Variants in B3GALT1 observed in about 807,000 individuals in gnomAD.
The protein encoded by B3GALT1 is beta-1,3-galactosyltransferase 1, also known as UDP-Gal:betaGlcNAc beta 1,3-galactosyltransferase, polypeptide 1.
In B3GALT1, 10 loss-of-function variants were observed where a neutral mutation model predicts 23.2. That is an observed-to-expected ratio of 0.43 (90% CI 0.27 to 0.73). B3GALT1 has a LOEUF of 0.73. Among genes scored for constraint, B3GALT1 ranks in the 30% least tolerant of loss-of-function variants. The pLI is 0.21. For missense variants in B3GALT1, 299 were observed against 405.4 expected, an observed-to-expected ratio of 0.74 and a Z score of 2.25; for synonymous variants, 156 against 141.5, an observed-to-expected ratio of 1.10 and a Z score of -0.73.
At chr2:167,554,462 A>ACC (rs1683808110) in intron 2 of B3GALT1, among the ~76,000 whole-genome samples, 1 of 152,202 alleles carries the variant, frequency 6.6e-6, no homozygotes, top group Non-Finnish European at 1.5e-5. Flanking sequence ...AGGTAACACT[A>ACC]AGAATTGTTT....
chr2:167,776,746 C>A (rs2105315226), intron 3 of B3GALT1, among the ~76,000 whole-genome samples: 1 of 152,286 alleles, frequency 6.6e-6, no homozygotes, highest in South Asian at 2.1e-4. Flanking sequence ...GTTTTTTAAA[C>A]ATCTGAGGAA....
chr2:167,456,305 A>T (rs1354041833), intron 1 of B3GALT1, among the ~76,000 whole-genome samples: 2 of 152,174 alleles, frequency 1.3e-5, no homozygotes, highest in Non-Finnish European at 2.9e-5. Flanking sequence ...GAACTCACTT[A>T]TCACTAAGGT....
At chr2:167,557,084 T>C (rs997738352) in intron 2 of B3GALT1, among the ~76,000 whole-genome samples, 1 of 152,192 alleles carries the variant, frequency 6.6e-6, no homozygotes, top group African/African-American at 2.4e-5. Context: ...AAAAATAATA[T>C]ACTGCCTTTT....
At chr2:167,826,097 G>C (rs1165636067) in intron 4 of B3GALT1, among the ~76,000 whole-genome samples, 1 of 152,128 alleles carries the variant, frequency 6.6e-6, no homozygotes, top group Non-Finnish European at 1.5e-5. Context: ...CAGCTGAGAA[G>C]AGTAGCAGAC....
At chr2:167,492,320 C>A (rs1699721496) in intron 2 of B3GALT1, among the ~76,000 whole-genome samples, 2 of 152,156 alleles carry the variant, frequency 1.3e-5, no homozygotes, top group African/African-American at 2.4e-5. Context: ...TAGCTCATTT[C>A]TTTTTATCAC....
At chr2:167,675,505 G>A (rs182121622) in intron 3 of B3GALT1, among the ~76,000 whole-genome samples, 1 of 152,282 alleles carries the variant, frequency 6.6e-6, no homozygotes, top group East Asian at 1.9e-4. Context: ...CACTTGCATC[G>A]TTCAGAGGTA....
rs146662080 is a variant in B3GALT1, at chr2:167,350,286, T to C, written c.-511+56952T>C. ...ATTTGAAGATGAAGATAATAGCACA[T>C]AGCCTGCCTACCCTGTGTGTTACTG... On this transcript the variant is annotated intron_variant, in intron 1 of 4. Transcript: ENST00000392690. Among the ~76,000 whole-genome samples, 8 of 152,302 alleles carry C rather than the reference T, an allele frequency of 5.3e-5. No individual in the cohort carries two copies. The East Asian group carries it at 1.5e-3, about 29-fold the overall frequency.
In B3GALT1 at chr2:167,311,595, A is replaced by T. The variant is rs879498360; in HGVS notation, c.-511+18261A>T. Among the ~76,000 whole-genome samples the T allele has an allele frequency of 5.3e-5, 8 of 152,152 alleles. No individual in the cohort carries two copies. In the East Asian group the frequency reaches 1.5e-3, roughly 29 times the overall value. ...TATAGCTCTATAAAAATAAATATAT[A>T]CTTGTTATTTTTATTGAGATCAAAA... On this transcript the variant is annotated intron_variant, in intron 1 of 4. Transcript: ENST00000392690.
chr2:167,613,314 G>C, intron 2 of B3GALT1, among the ~76,000 whole-genome samples: 1 of 151,694 alleles, frequency 6.6e-6, no homozygotes. Flanking sequence ...AGTAAAATAT[G>C]GTACATTCAT....
chr2:167,490,902 C>G (rs893172958), intron 2 of B3GALT1, among the ~76,000 whole-genome samples: 1 of 152,144 alleles, frequency 6.6e-6, no homozygotes, highest in African/African-American at 2.4e-5. Context: ...GACCAGTATT[C>G]CTGATCTTGT....
At chr2:167,610,251 A>G (rs1685036719) in intron 2 of B3GALT1, among the ~76,000 whole-genome samples, 1 of 152,112 alleles carries the variant, frequency 6.6e-6, no homozygotes, top group African/African-American at 2.4e-5. Flanking sequence ...CATATTAATT[A>G]GATGGTTTGT....
intron 1 of B3GALT1, among the ~76,000 whole-genome samples, chr2:167,381,935 C>T (rs563637697): frequency 6.6e-6 from 1 of 152,312 alleles, no homozygotes; most frequent in East Asian, 1.9e-4. Flanking sequence ...GATCCTTTTA[C>T]ATTTGGATCG....
At chr2:167,471,984 C>T (rs758121217) in intron 1 of B3GALT1, among the ~76,000 whole-genome samples, 12 of 152,172 alleles carry the variant, frequency 7.9e-5, no homozygotes, top group Non-Finnish European at 1.5e-4. Flanking sequence ...CAAAAGCTCA[C>T]ATTTCTTATA....
intron 2 of B3GALT1, among the ~76,000 whole-genome samples, chr2:167,542,380 G>T (rs1335306127): frequency 1.3e-5 from 2 of 152,126 alleles, no homozygotes; most frequent in African/African-American, 4.8e-5. Flanking sequence ...CCAGATGGTG[G>T]TTTTGCTACA....
chr2:167,402,048 C>T (rs1414509775), intron 1 of B3GALT1, among the ~76,000 whole-genome samples: 1 of 152,036 alleles, frequency 6.6e-6, no homozygotes, highest in African/African-American at 2.4e-5. Context: ...AATGGACTAG[C>T]TTTTAAGAAA....
At chr2:167,760,127 G>T (rs913707127) in intron 3 of B3GALT1, among the ~76,000 whole-genome samples, 1 of 152,096 alleles carries the variant, frequency 6.6e-6, no homozygotes, top group Non-Finnish European at 1.5e-5. Flanking sequence ...TAAGGATACT[G>T]CCATACTTAG....
At chr2:167,711,656 A>C (rs1333678990) in intron 3 of B3GALT1, among the ~76,000 whole-genome samples, 1 of 152,178 alleles carries the variant, frequency 6.6e-6, no homozygotes, top group Non-Finnish European at 1.5e-5. Flanking sequence ...TAAGTCTTGT[A>C]AATAAAAATA....
chr2:167,466,879 ATTT>A (rs567975404), intron 1 of B3GALT1, among the ~76,000 whole-genome samples: 1 of 85,046 alleles, frequency 1.2e-5, no homozygotes, highest in African/African-American at 4.2e-5. Context: ...CGCCTGGCTA[ATTT>A]TTTTTTTTTT....
chr2:167,846,776 A>T (rs961338863), intron 4 of B3GALT1, among the ~76,000 whole-genome samples: 4 of 152,228 alleles, frequency 2.6e-5, no homozygotes, highest in African/African-American at 7.2e-5. Flanking sequence ...CTAACATTGA[A>T]TGTAAATGGC....
Sources: allele counts gnomAD v4.1 joint callset (sites outside exome capture counted in the v4.1 genomes callset), GRCh38; gene constraint gnomAD v4.1.1; transcripts MANE v1.5; gene names NCBI Gene and HGNC (gene_info 2026-07-23, HGNC 2026-07-21).